CPB2: variants seen among roughly 807,000 people sequenced by gnomAD.
CPB2 encodes the protein carboxypeptidase B-like protein.
In CPB2, 54 loss-of-function variants were observed where a neutral mutation model predicts 57.0. That is an observed-to-expected ratio of 0.95 (90% CI 0.76 to 1.19). CPB2 has a LOEUF of 1.19. Ranked by LOEUF, CPB2 falls within the 50% of genes most tolerant of loss-of-function variation. The probability of loss-of-function intolerance (pLI) is 0.00; values close to 1 mark genes in which losing one functional copy is unlikely to be tolerated. For missense variants in CPB2, 426 were observed against 512.0 expected (o/e 0.83, Z 1.62); for synonymous variants, 189 against 178.1 (o/e 1.06, Z -0.49).
At chr13:46,080,833 G>A (rs560999624) in intron 4 of CPB2, among the ~76,000 whole-genome samples, 8 of 152,116 alleles carry the variant, frequency 5.3e-5, no homozygotes, top group South Asian at 2.1e-4. Context: ...TTAGCTGAGC[G>A]TGGTGGTATG....
intron 4 of CPB2, among the ~76,000 whole-genome samples, chr13:46,079,187 A>G (rs899976423): frequency 1.3e-5 from 2 of 152,232 alleles, no homozygotes; most frequent in Non-Finnish European, 2.9e-5. Context: ...AGTTACTTTT[A>G]AAGTCATCAC....
At chr13:46,087,051 G>C (rs934004369) in intron 2 of CPB2, among the ~76,000 whole-genome samples, 25 of 152,212 alleles carry the variant, frequency 1.6e-4, no homozygotes, top group Admixed American at 1.6e-3. Context: ...AGAAATGCCT[G>C]GGTCTGCAAC....
chr13:46,082,412 T>C (rs2139392864), intron 4 of CPB2, 29 bp downstream of exon 4: 1 of 1,272,338 alleles, frequency 7.9e-7, no homozygotes, highest in East Asian at 2.4e-5. Context: ...ATGAAAATAG[T>C]AGCTTTGAAG....
chr13:46,055,429 A>G (rs578076301), intron 10 of CPB2, among the ~76,000 whole-genome samples: 1 of 152,348 alleles, frequency 6.6e-6, no homozygotes, highest in South Asian at 2.1e-4. Flanking sequence ...AACCTGCACA[A>G]CCTTCCATGG....
chr13:46,086,112 T>G (rs1191941661), intron 2 of CPB2, among the ~76,000 whole-genome samples: 1 of 152,052 alleles, frequency 6.6e-6, no homozygotes, highest in African/African-American at 2.4e-5. Context: ...ACCCAGAAGT[T>G]TGGAGACGTC....
At chr13:46,097,809 C>T (rs2139423821) in intron 1 of CPB2, among the ~76,000 whole-genome samples, 1 of 152,296 alleles carries the variant, frequency 6.6e-6, no homozygotes, top group East Asian at 1.9e-4. Context: ...TATACCGTCA[C>T]TCCAAGTAAC....
chr13:46,073,797 T>C, intron 6 of CPB2, 76 bp downstream of exon 6: 2 of 882,278 alleles, frequency 2.3e-6, no homozygotes, highest in South Asian at 2.7e-5. Context: ...TTTTAATAAA[T>C]AGCCCAGTTG....
chr13:46,093,992 C>A (rs946278116), intron 1 of CPB2, among the ~76,000 whole-genome samples: 2 of 151,934 alleles, frequency 1.3e-5, no homozygotes, highest in Non-Finnish European at 2.9e-5. Flanking sequence ...TTTTTAAACC[C>A]AAAAGAACTC....
chr13:46,103,718 T>A (rs1479529496), intron 1 of CPB2, among the ~76,000 whole-genome samples: 2 of 152,214 alleles, frequency 1.3e-5, no homozygotes, highest in African/African-American at 4.8e-5. Flanking sequence ...GTACTGCCAC[T>A]GTGTACAGTA....
chr13:46,064,875 C>T lies in CPB2; in HGVS notation c.703-134G>A, dbSNP rs2139359524. On this transcript the variant is annotated intron_variant, in intron 7 of 10. Coordinates refer to ENST00000181383, the MANE Select transcript of CPB2 (RefSeq NM_001872.5). ...TCCCATACCTTGCATGGCTTCATCA[C>T]ATCACTGTTGTTGCAATATTCCTTT... 5.9e-6 allele frequency: 4 copies of T among 672,658 alleles called. No homozygotes were observed. In the South Asian group the frequency reaches 6.7e-5, roughly 11 times the overall value. The allele number at this position is 672,658 out of a possible 1,614,324, so 41.7% of individuals were successfully genotyped here.
chr13:46,058,516 A>G, intron 8 of CPB2, 135 bp from the exon 9 acceptor site: 1 of 694,776 alleles, frequency 1.4e-6, no homozygotes, highest in Non-Finnish European at 2.4e-6. Flanking sequence ...CTCTGCAAAG[A>G]ACATAGTTCC....
intron 1 of CPB2, among the ~76,000 whole-genome samples, chr13:46,092,889 A>G (rs2045313385): frequency 6.6e-6 from 1 of 151,852 alleles, no homozygotes. Flanking sequence ...GGATAATTTT[A>G]TTTGTTTTCC....
At position 46,061,016 on chromosome 13, in the gene CPB2, C is replaced by T. The variant is rs17844234; in HGVS notation, c.797-2635G>A. Among the ~76,000 whole-genome samples the T allele has an allele frequency of 1.8e-3, 280 of 152,054 alleles. 2 individuals carry two copies. The highest frequency in any genetic ancestry group is 6.2e-3 in the African/African-American group (255 of 41,436). ...GAGACAGAAAGTAGATAAGAAATTA[C>T]CAAGGGCTGGGGAGAAGGTAGGGAT... On this transcript the variant is annotated intron_variant, in intron 8 of 10. Transcript: ENST00000181383.
At chr13:46,087,507 T>C (rs2045228441) in intron 2 of CPB2, among the ~76,000 whole-genome samples, 1 of 152,232 alleles carries the variant, frequency 6.6e-6, no homozygotes, top group Admixed American at 6.5e-5. Context: ...TCTTTGTAAG[T>C]GCACACTTTA....
intron 1 of CPB2, among the ~76,000 whole-genome samples, chr13:46,088,495 T>C (rs9534316): frequency 0.37 from 55,713 of 151,948 alleles, 10,483 homozygotes; most frequent in African/African-American, 0.44. Flanking sequence ...TAGCTAGCCA[T>C]AGTTCACACG....
At chr13:46,077,373 A>C (rs2045038382) in intron 5 of CPB2, among the ~76,000 whole-genome samples, 1 of 152,124 alleles carries the variant, frequency 6.6e-6, no homozygotes, top group South Asian at 2.1e-4. Flanking sequence ...ACCACAATGC[A>C]ATGTCATCTC....
chr13:46,096,405 A>G (rs2045366778), intron 1 of CPB2: 3 of 152,240 alleles, frequency 2.0e-5, no homozygotes, highest in Admixed American at 6.5e-5. Flanking sequence ...TCTGCTTCTC[A>G]GAGGATCATA....
intron 4 of CPB2, among the ~76,000 whole-genome samples, chr13:46,080,990 A>AAC (rs2045106625): frequency 6.7e-6 from 1 of 149,318 alleles, no homozygotes. Context: ...AAAAAAAAAA[A>AAC]GGAAAGAAAA....
intron 9 of CPB2, among the ~76,000 whole-genome samples, chr13:46,056,845 T>C (rs1007849557): frequency 6.6e-6 from 1 of 152,248 alleles, no homozygotes; most frequent in African/African-American, 2.4e-5. Context: ...TAATAGATTG[T>C]AAATTCCTCA....
Sources: gnomAD v4.1 joint callset for allele counts (sites outside exome capture counted in the v4.1 genomes callset) on GRCh38, gnomAD v4.1.1 for gene constraint, MANE v1.5 for transcripts, NCBI Gene and HGNC (gene_info 2026-07-23, HGNC 2026-07-21) for gene names.